NIN: variants seen among roughly 807,000 people sequenced by gnomAD.
The protein encoded by NIN is glycogen synthase kinase 3 beta-interacting protein.
Under a neutral mutation model 257.6 loss-of-function variants are expected in NIN, and 137 were observed. That is an observed-to-expected ratio of 0.53 (90% CI 0.46 to 0.61). The LOEUF is 0.61. Ranked by LOEUF, NIN falls within the 20% of genes least tolerant of loss-of-function variation. NIN has a pLI of 0.00. For synonymous variants in NIN, 918 were observed against 919.8 expected, an observed-to-expected ratio of 1.00 and a Z score of 0.04; for missense variants, 2,439 against 2,501.2, an observed-to-expected ratio of 0.98 and a Z score of 0.53.
At chr14:50,823,218 T>G (rs1385968802) in intron 2 of NIN, 1 of 573,820 alleles carries the variant, frequency 1.7e-6, no homozygotes, top group Non-Finnish European at 3.5e-6. Flanking sequence ...GATGAAAGCC[T>G]GAAACCTGCA....
At position 50,754,846 on chromosome 14, in the gene NIN, T is replaced by C. The variant is rs1243402934; in HGVS notation, c.4560A>G (p.Gln1520=). The change falls in exon 19 of 31, where the codon CAA becomes CAG. Residue 1520 remains glutamine (Q), a synonymous_variant. Coordinates refer to ENST00000530997, the MANE Select transcript of NIN (RefSeq NM_020921.4). ...CATTTCTCAAAATAGAATTTTCCTGTTGAAGCTTTTCAGATTCATATCTGA... is the reference window on the plus strand; with the variant it reads ...CATTTCTCAAAATAGAATTTTCCTGCTGAAGCTTTTCAGATTCATATCTGA... ...ELLRYESEKL[Q]QENSILRNEI... 1.3e-6 allele frequency: 2 copies of C among 1,575,552 alleles called. No individual in the cohort carries two copies. Among genetic ancestry groups the C allele is most frequent in the East Asian group, 2.3e-5 (1 of 44,252 alleles).
Position 50,772,479 on chromosome 14 carries a change from G to A in NIN, c.814-11C>T. The stretch of plus-strand genomic sequence containing the variant: ...ACTCTCATCGAAAGACTGGAAGGAG[G>A]AAGAGACTTGAGTAAGCCTAGCTTG... On this transcript the variant is annotated splice_polypyrimidine_tract_variant and intron_variant, in intron 8 of 30. Coordinates refer to ENST00000530997, the MANE Select transcript of NIN (RefSeq NM_020921.4). 6.2e-7 allele frequency: 1 copy of A among 1,613,614 alleles called. No individual in the cohort carries two copies. Among genetic ancestry groups the A allele is most frequent in the Non-Finnish European group, 8.5e-7 (1 of 1,179,600 alleles).
chr14:50,827,976 A>G (rs925260251), intron 2 of NIN, among the ~76,000 whole-genome samples: 2 of 151,844 alleles, frequency 1.3e-5, no homozygotes, highest in South Asian at 2.1e-4. Context: ...ACAGGAAAAA[A>G]AAAACAAAAA....
chr14:50,803,076 G>A (rs1012672730), intron 4 of NIN, among the ~76,000 whole-genome samples: 10 of 152,138 alleles, frequency 6.6e-5, no homozygotes, highest in African/African-American at 9.7e-5. Context: ...AGACCTCGCC[G>A]GGCGCAGTGG....
At chr14:50,731,014 AAAG>A (rs1466694764) in intron 28 of NIN, 17 of 1,136,182 alleles carry the variant, frequency 1.5e-5, no homozygotes, top group Non-Finnish European at 2.4e-6. Context: ...GACAAGACAA[AAAG>A]AAGAGAAAAT....
At chr14:50,744,848 C>T (rs770050379) in intron 22 of NIN, among the ~76,000 whole-genome samples, 5 of 152,054 alleles carry the variant, frequency 3.3e-5, no homozygotes, top group Admixed American at 6.5e-5. Context: ...GCAGGAGAAT[C>T]GCTTGAACCT....
chr14:50,727,243 A>G (rs546949335), intron 29 of NIN: 1 of 953,918 alleles, frequency 1.0e-6, no homozygotes, highest in East Asian at 7.5e-5. Flanking sequence ...TATACTTAAA[A>G]TTTATTTTAT....
At chr14:50,802,641 T>C (rs1033295342) in intron 4 of NIN, among the ~76,000 whole-genome samples, 2 of 152,232 alleles carry the variant, frequency 1.3e-5, no homozygotes, top group Non-Finnish European at 2.9e-5. Flanking sequence ...GCATTCTTCA[T>C]AGATATGGAT....
Position 50,791,488 on chromosome 14 carries a change from C to T in NIN, c.435+1224G>A, listed in dbSNP as rs562751375. The stretch of plus-strand genomic sequence containing the variant: ...TTCTCTCTTTTAGTTGCTTTTCTCC[C>T]TCTCTTCTCAATAACATTTCTGCCA... On this transcript the variant is annotated intron_variant, in intron 5 of 30. Transcript: ENST00000530997. Among the ~76,000 whole-genome samples the T allele has an allele frequency of 1.1e-4, 16 of 151,264 alleles. No individual in the cohort carries two copies. In the South Asian group the frequency reaches 3.1e-3, roughly 30 times the overall value.
intron 2 of NIN, among the ~76,000 whole-genome samples, chr14:50,828,592 G>A (rs147791023): frequency 2.0e-5 from 3 of 152,260 alleles, no homozygotes; most frequent in South Asian, 2.1e-4. Flanking sequence ...AAGGCTTCAC[G>A]CTGTTTAAAT....
chr14:50,774,162 A>G (rs1393920580), intron 7 of NIN, among the ~76,000 whole-genome samples: 2 of 152,254 alleles, frequency 1.3e-5, no homozygotes, highest in East Asian at 3.8e-4. Flanking sequence ...AGGAGACAGA[A>G]TAAGCAACAA....
intron 3 of NIN, among the ~76,000 whole-genome samples, chr14:50,808,572 G>A (rs984881360): frequency 1.3e-5 from 2 of 152,118 alleles, no homozygotes; most frequent in Non-Finnish European, 2.9e-5. Flanking sequence ...GAAAACTGGG[G>A]ACATCTAACA....
rs750949285 is a variant in NIN at position 50,757,580 on chromosome 14, A to G, written c.3450T>C (p.Asp1150=). Residue 1150 remains aspartate (D), a synonymous_variant, in exon 18 of 31, where the codon GAT becomes GAC. Coordinates refer to ENST00000530997, the MANE Select transcript of NIN (RefSeq NM_020921.4). Reference sequence around the variant, plus strand: ...CTGTACTTCCCAGGTCCCGGACCTCATCATCTTCCAGGTCACTTAGGACAT... The same window carrying G: ...CTGTACTTCCCAGGTCCCGGACCTCGTCATCTTCCAGGTCACTTAGGACAT... ...RRHVLSDLED[D]EVRDLGSTGT... is the part of the protein sequence containing the mutation. 1.9e-6 allele frequency: 3 copies of G among 1,614,056 alleles called. No homozygotes were observed. The highest frequency in any genetic ancestry group is 4.5e-5 in the East Asian group (2 of 44,876).
In NIN at chr14:50,755,648, CTTTTTTTTT is replaced by C. The variant is rs71118900; in HGVS notation, c.4539-790_4539-782del. 1.4e-4 allele frequency among the ~76,000 whole-genome samples: 11 copies of C among 80,018 alleles called. No homozygotes were observed. The South Asian group carries it at 1.7e-3, about 12-fold the overall frequency. The allele number at this position is 80,018 out of a possible 152,430, so 52.5% of individuals were successfully genotyped here. A position where few individuals can be genotyped will look rare whatever the true frequency, so the allele number is the denominator to read the frequency against. On this transcript the variant is annotated intron_variant, in intron 18 of 30. Transcript: ENST00000530997. ...TAAATTTCCACTGTTTGTTTTGTCT[CTTTTTTTTT>C]TTTTTTTTTTTTTTTTTTTTTAAAA...
intron 3 of NIN, among the ~76,000 whole-genome samples, chr14:50,809,286 C>T (rs907530317): frequency 6.6e-6 from 1 of 152,040 alleles, no homozygotes; most frequent in African/African-American, 2.4e-5. Context: ...TGAGAGTGAC[C>T]AAGATAGCCA....
chr14:50,818,626 T>C (rs1595937076), intron 3 of NIN, among the ~76,000 whole-genome samples: 1 of 152,308 alleles, frequency 6.6e-6, no homozygotes. Context: ...GCTTAACTGA[T>C]GACAAAGATA....
chr14:50,748,822 A>C (rs1380392074), intron 21 of NIN, among the ~76,000 whole-genome samples: 1 of 152,228 alleles, frequency 6.6e-6, no homozygotes, highest in Non-Finnish European at 1.5e-5. Context: ...GACACAAACA[A>C]ATGGGAAAAC....
At chr14:50,814,938 C>T (rs951711137) in intron 3 of NIN, among the ~76,000 whole-genome samples, 1 of 152,120 alleles carries the variant, frequency 6.6e-6, no homozygotes, top group African/African-American at 2.4e-5. Context: ...TATAAAAACC[C>T]TAGAAGAAAA....
chr14:50,720,436 T>C lies in NIN; in HGVS notation c.*3027A>G, dbSNP rs1426767631. ...CATGTTAAAAAAGCAAAGTCTGCCA[T>C]AAACCCTTAGAGAAGAAACAGTTTC... On this transcript the variant is annotated 3_prime_UTR_variant, in exon 31 of 31. Coordinates refer to ENST00000530997, the MANE Select transcript of NIN (RefSeq NM_020921.4). 7.1e-5 allele frequency: 15 copies of C among 211,750 alleles called. No homozygotes were observed. The highest frequency in any genetic ancestry group is 1.6e-3 in the Middle Eastern group (1 of 640). The allele number at this position is 211,750 out of a possible 1,614,324, so 13.1% of individuals were successfully genotyped here.
Sources: gnomAD v4.1 joint callset for allele counts (sites outside exome capture counted in the v4.1 genomes callset) on GRCh38, gnomAD v4.1.1 for gene constraint, MANE v1.5 for transcripts, NCBI Gene and HGNC (gene_info 2026-07-23, HGNC 2026-07-21) for gene names.